AFDN: variants seen among roughly 807,000 people sequenced by gnomAD.
The protein encoded by AFDN is afadin, adherens junction formation factor, also known as afadin.
AFDN carries 68 observed loss-of-function variants against 216.6 expected under a neutral mutation model. The ratio of observed to expected loss-of-function variants is 0.31; its 90% confidence interval spans 0.26 to 0.38. The LOEUF (loss-of-function observed/expected upper bound fraction) is 0.38, where lower values mean the gene tolerates loss of function less well. Among genes scored for constraint, AFDN ranks in the 10% least tolerant of loss-of-function variants. The pLI, the probability that AFDN is intolerant of heterozygous loss-of-function variation, is 1.00. For synonymous variants in AFDN, 868 were observed against 853.7 expected (o/e 1.02, Z -0.29); for missense variants, 2,136 against 2,342.0 (o/e 0.91, Z 1.82).
chr6:167,846,952 C>A (rs1781764953), intron 1 of AFDN, among the ~76,000 whole-genome samples: 1 of 148,788 alleles, frequency 6.7e-6, no homozygotes, highest in Non-Finnish European at 1.5e-5. Flanking sequence ...TGATGCAAAC[C>A]TGTCATCTGT....
chr6:167,835,964 A>C (rs949285104), intron 1 of AFDN, among the ~76,000 whole-genome samples: 5 of 152,240 alleles, frequency 3.3e-5, no homozygotes, highest in African/African-American at 1.2e-4. Flanking sequence ...TATAATATTT[A>C]AAATGTAAAC....
intron 20 of AFDN, among the ~76,000 whole-genome samples, chr6:167,918,259 T>G (rs1791354248): frequency 6.6e-6 from 1 of 152,206 alleles, no homozygotes; most frequent in African/African-American, 2.4e-5. Context: ...AGAAATAACC[T>G]CTATATATTG....
Position 167,969,165 on chromosome 6 carries a change from C to T in AFDN, c.5309C>T (p.Ala1770Val). 6.2e-7 allele frequency: 1 copy of T among 1,613,960 alleles called. No homozygotes were observed. The highest frequency in any genetic ancestry group is 8.5e-7 in the Non-Finnish European group (1 of 1,179,872). Residue 1770 changes from alanine (A) to valine (V), a missense_variant, in exon 33 of 34, where the codon GCC (alanine) becomes GTC (valine). This residue lies in a region of AFDN where 981 missense variants were observed against 966.0 expected (regional missense o/e 1.02). Transcript: ENST00000683244. ...GGAGCAGCTGTTGGAGCCCATGACG[C>T]CTGTCGGGATGCAAAAGAGAAGCGC... The part of the protein sequence containing the change: ...STGAAVGAHD[A>V]CRDAKEKRSK...
In AFDN at chr6:167,880,527, T is replaced by G. The variant is rs2128295841; in HGVS notation, c.897+10T>G. On this transcript the variant is annotated intron_variant, in intron 6 of 33. Coordinates refer to ENST00000683244, the MANE Select transcript of AFDN (RefSeq NM_001386888.1). ...TTACTGCATCGCCCGGGTAAGGAAC[T>G]TTATCAAATCAGTAGTTCTTTCTAC... 6.2e-7 allele frequency: 1 copy of G among 1,612,188 alleles called. No homozygotes were observed. Among genetic ancestry groups the G allele is most frequent in the East Asian group, 2.2e-5 (1 of 44,806 alleles).
At chr6:167,947,078 A>G (rs927364053) in intron 27 of AFDN, among the ~76,000 whole-genome samples, 177 bp downstream of exon 27, 3 of 152,250 alleles carry the variant, frequency 2.0e-5, no homozygotes, top group Non-Finnish European at 4.4e-5. Flanking sequence ...ACTAAGATGG[A>G]AAAACTTTAG....
rs372710817 is a variant in AFDN, at chr6:167,952,162, G to A, written c.4808G>A (p.Arg1603His). 1.4e-4 allele frequency: 219 copies of A among 1,614,044 alleles called. No homozygotes were observed. Among genetic ancestry groups the A allele is most frequent in the Non-Finnish European group, 1.7e-4 (199 of 1,180,026 alleles). ...GTGGACACCATGCTGATCATGCAGC[G>A]CCTGGAGGCTGAACGAAGAGCGAGG... ...DDVDTMLIMQ[R>H]LEAERRARLQ... Residue 1603 changes from arginine (R) to histidine (H), a missense_variant, in exon 30 of 34, where the codon CGC (arginine) becomes CAC (histidine). Around this residue, in one of 8 missense-constraint regions of AFDN, gnomAD observed 981 missense variants for 966.0 expected, o/e 1.02. Transcript: ENST00000683244.
In AFDN at chr6:167,919,003, T is replaced by A. The variant is rs576003595; in HGVS notation, c.2908+70T>A. On this transcript the variant is annotated intron_variant, in intron 21 of 33. Coordinates refer to ENST00000683244, the MANE Select transcript of AFDN (RefSeq NM_001386888.1). ...AAGCGAGCATTTTATTCATTGTCCA[T>A]CTCATAGGGTAGTCCACTTGTGTGG... The A allele has an allele frequency of 8.6e-4, 1,149 of 1,340,140 alleles. 18 individuals carry two copies. Among genetic ancestry groups the A allele is most frequent in the Non-Finnish European group, 4.0e-5 (38 of 954,878 alleles). The allele number at this position is 1,340,140 out of a possible 1,614,324, so 83.0% of individuals were successfully genotyped here.
intron 12 of AFDN, among the ~76,000 whole-genome samples, chr6:167,904,559 G>A (rs1397641130): frequency 2.0e-5 from 3 of 152,044 alleles, no homozygotes; most frequent in Non-Finnish European, 4.4e-5. Context: ...TGCATATCCT[G>A]TACATATTTC....
intron 18 of AFDN, 93 bp downstream of exon 18, chr6:167,914,831 A>G: frequency 1.2e-6 from 1 of 847,942 alleles, no homozygotes; most frequent in South Asian, 1.6e-5. Context: ...AGGTGTTTTT[A>G]AAATAAATGG....
chr6:167,905,408 T>G (rs912537872), intron 12 of AFDN, among the ~76,000 whole-genome samples: 5 of 152,188 alleles, frequency 3.3e-5, no homozygotes, highest in African/African-American at 1.2e-4. Context: ...TTTTCGTTTC[T>G]TAAAAAAATG....
intron 8 of AFDN, among the ~76,000 whole-genome samples, chr6:167,893,492 A>C (rs1294716291): frequency 6.6e-6 from 1 of 152,054 alleles, no homozygotes; most frequent in Admixed American, 6.6e-5. Flanking sequence ...AATGGGGAGA[A>C]ATACATTATT....
intron 1 of AFDN, among the ~76,000 whole-genome samples, chr6:167,839,958 C>T (rs897330281): frequency 6.6e-6 from 1 of 152,196 alleles, no homozygotes; most frequent in Admixed American, 6.5e-5. Flanking sequence ...TGTGTACACA[C>T]TGTACTAGCA....
In AFDN at chr6:167,962,813, G is replaced by T; in HGVS notation, c.4968+246G>T. On this transcript the variant is annotated intron_variant, in intron 31 of 33. Coordinates refer to ENST00000683244, the MANE Select transcript of AFDN (RefSeq NM_001386888.1). The surrounding 1 kb of genome is among the most constrained non-coding windows in gnomAD (Gnocchi z 5.2). ...GTCTCCTTCAAACTTCTGAACTCTT[G>T]GGCGTGTGTAGCAGTGAGCCTCTTT... is the stretch of plus-strand genomic sequence containing the variant. 1 of 1,351,422 alleles carries T rather than the reference G, an allele frequency of 7.4e-7. No homozygotes were observed. The allele number at this position is 1,351,422 out of a possible 1,614,324, so 83.7% of individuals were successfully genotyped here.
intron 1 of AFDN, among the ~76,000 whole-genome samples, chr6:167,844,872 G>GTTTTTTTTTTTTT (rs1289118837): frequency 7.3e-6 from 1 of 137,402 alleles, no homozygotes; most frequent in Non-Finnish European, 1.6e-5. Context: ...TTTTTTTTTG[G>GTTTTTTTTTTTTT]TTTTTGAGAC....
chr6:167,950,486 T>A (rs1795850233), intron 29 of AFDN, among the ~76,000 whole-genome samples: 1 of 152,160 alleles, frequency 6.6e-6, no homozygotes, highest in South Asian at 2.1e-4. Flanking sequence ...TCAACACATT[T>A]GTAGCAATAC....
intron 28 of AFDN, 43 bp from the exon 29 acceptor site, chr6:167,948,250 T>C: frequency 6.6e-7 from 1 of 1,524,998 alleles, no homozygotes; most frequent in Non-Finnish European, 8.9e-7. Context: ...TTAGTCTGTA[T>C]GGTTGTAAAA....
intron 23 of AFDN, among the ~76,000 whole-genome samples, chr6:167,926,620 C>T (rs1388646339): frequency 6.6e-6 from 1 of 152,136 alleles, no homozygotes; most frequent in African/African-American, 2.4e-5. Flanking sequence ...TTTTTAGAGA[C>T]AGGGTCTCGC....
chr6:167,967,684 A>G (rs1797698151), intron 32 of AFDN, among the ~76,000 whole-genome samples: 1 of 152,118 alleles, frequency 6.6e-6, no homozygotes, highest in Non-Finnish European at 1.5e-5. Flanking sequence ...TTTACCGCAC[A>G]CATGAAGTAC....
In AFDN at chr6:167,890,951, A is replaced by G. The variant is rs1232383683; in HGVS notation, c.1099A>G (p.Lys367Glu). The change falls in exon 8 of 34, where the codon AAG becomes GAG. Residue 367 changes from lysine to glutamate, a missense_variant. By Grantham distance (56) the Lys-to-Glu change is moderately conservative. This residue lies in a region of AFDN where 817 missense variants were observed against 965.7 expected (regional missense o/e 0.85). Coordinates refer to ENST00000683244, the MANE Select transcript of AFDN (RefSeq NM_001386888.1). ...CTTGGAAGGCAAGACACCCAAGGGA[A>G]AGGAGAGAGCTGACGGGTCTGGCTA... ...KHLEGKTPKG[K>E]ERADGSGYGS... 23 of 1,614,144 alleles carry G rather than the reference A, an allele frequency of 1.4e-5. No individual in the cohort carries two copies. The highest frequency in any genetic ancestry group is 1.8e-5 in the Non-Finnish European group (21 of 1,179,994).
Sources: gnomAD v4.1 joint callset for allele counts (sites outside exome capture counted in the v4.1 genomes callset) on GRCh38, gnomAD v4.1.1 for gene constraint, gnomAD v4.1.1 regional missense constraint, Gnocchi (gnomAD v3.1) non-coding constraint, MANE v1.5 for transcripts, NCBI Gene and HGNC (gene_info 2026-07-23, HGNC 2026-07-21) for gene names.